Variants in KAZN observed in about 807,000 individuals in gnomAD.
The protein encoded by KAZN is kazrin.
KAZN carries 40 observed loss-of-function variants against 87.4 expected under a neutral mutation model. That is an observed-to-expected ratio of 0.46 (90% confidence interval 0.36 to 0.60). The LOEUF is 0.60. Ranked by LOEUF, KAZN falls within the 20% of genes least tolerant of loss-of-function variation. KAZN has a pLI of 0.00. For missense variants in KAZN, 898 were observed against 1,073.9 expected (o/e 0.84, Z 2.29); for synonymous variants, 466 against 458.3 (o/e 1.02, Z -0.22).
At chr1:13,989,737 T>G (rs1639192990) in intron 1 of KAZN, among the ~76,000 whole-genome samples, 1 of 152,160 alleles carries the variant, frequency 6.6e-6, no homozygotes, top group African/African-American at 2.4e-5. Flanking sequence ...AGAAATAAAA[T>G]GGCCATCCAG....
chr1:13,946,175 G>A (rs902410363), intron 1 of KAZN, among the ~76,000 whole-genome samples: 3 of 152,252 alleles, frequency 2.0e-5, no homozygotes, highest in Admixed American at 6.5e-5. Context: ...TGGCTAACCC[G>A]AATCCCTCAT....
chr1:14,578,495 A>G (rs1308534427), intron 2 of KAZN, among the ~76,000 whole-genome samples: 1 of 152,210 alleles, frequency 6.6e-6, no homozygotes, highest in Non-Finnish European at 1.5e-5. Flanking sequence ...AAAAATTTAC[A>G]TAAACCCTTG....
intron 8 of KAZN, among the ~76,000 whole-genome samples, chr1:15,085,507 T>G (rs561490214): frequency 1.3e-5 from 2 of 152,198 alleles, no homozygotes; most frequent in Admixed American, 6.5e-5. Flanking sequence ...TTTGTATTTT[T>G]GGTAGAGATG....
At chr1:13,982,950 T>G (rs1638814134) in intron 1 of KAZN, among the ~76,000 whole-genome samples, 1 of 151,726 alleles carries the variant, frequency 6.6e-6, no homozygotes, top group African/African-American at 2.4e-5. Flanking sequence ...ATTGGTGTGC[T>G]CACAAACCCT....
At chr1:14,532,818 G>A (rs1027221912) in intron 2 of KAZN, among the ~76,000 whole-genome samples, 2 of 151,816 alleles carry the variant, frequency 1.3e-5, no homozygotes, top group African/African-American at 4.8e-5. Context: ...TTTTATGGCT[G>A]CATAGTATTC....
intron 1 of KAZN, among the ~76,000 whole-genome samples, chr1:14,159,713 G>C (rs1645670172): frequency 3.3e-5 from 5 of 152,176 alleles, no homozygotes; most frequent in Admixed American, 6.5e-5. Flanking sequence ...GGAATGTGTT[G>C]AGTCTTACCT....
At chr1:14,929,177 A>G (rs1245673581) in intron 1 of KAZN, among the ~76,000 whole-genome samples, 1 of 152,250 alleles carries the variant, frequency 6.6e-6, no homozygotes, top group Non-Finnish European at 1.5e-5. Context: ...TACCCATGCC[A>G]TAAGGAAGGA....
At chr1:14,530,455 A>G (rs1183434775) in intron 2 of KAZN, among the ~76,000 whole-genome samples, 7 of 152,142 alleles carry the variant, frequency 4.6e-5, no homozygotes, top group Non-Finnish European at 1.0e-4. Flanking sequence ...TCCAAATCTC[A>G]TGTTGAAATG....
intron 1 of KAZN, among the ~76,000 whole-genome samples, chr1:13,994,881 A>AAC (rs1162071794): frequency 1.3e-5 from 2 of 152,086 alleles, no homozygotes; most frequent in African/African-American, 2.4e-5. Context: ...TAAACAAACA[A>AAC]ACAAACAAAC....
chr1:15,071,196 T>C (rs937782119), intron 8 of KAZN, among the ~76,000 whole-genome samples: 1 of 152,158 alleles, frequency 6.6e-6, no homozygotes, highest in Admixed American at 6.5e-5. Flanking sequence ...TGTGGGCAAA[T>C]TGAGGGTATA....
At chr1:14,042,853 TGCTTAC>T (rs1641900606) in intron 1 of KAZN, among the ~76,000 whole-genome samples, 1 of 152,262 alleles carries the variant, frequency 6.6e-6, no homozygotes, top group Non-Finnish European at 1.5e-5. Flanking sequence ...TCAGTGTTTC[TGCTTAC>T]GTACCTGGCC....
At chr1:14,895,322 G>A (rs771760165) in intron 1 of KAZN, among the ~76,000 whole-genome samples, 6 of 152,230 alleles carry the variant, frequency 3.9e-5, no homozygotes, top group Non-Finnish European at 8.8e-5. Context: ...AACTCTGCCA[G>A]CCAGGAAACG....
chr1:14,911,938 G>C (rs929242207), intron 1 of KAZN, among the ~76,000 whole-genome samples: 1 of 152,066 alleles, frequency 6.6e-6, no homozygotes, highest in African/African-American at 2.4e-5. Context: ...GATCACCTGA[G>C]GTCAGGAGTT....
chr1:14,924,821 C>T (rs115891132), intron 1 of KAZN, among the ~76,000 whole-genome samples: 14,100 of 152,180 alleles, frequency 0.093, 812 homozygotes, highest in South Asian at 0.24. Context: ...TTGCCGGAGC[C>T]AGGCGATCCC....
chr1:14,873,144 A>C (rs756643119), intron 1 of KAZN, among the ~76,000 whole-genome samples: 4 of 149,000 alleles, frequency 2.7e-5, no homozygotes. Context: ...GGATGGATGG[A>C]AGGATGGATG....
At chr1:14,848,909 AAG>A (rs919095942) in intron 1 of KAZN, among the ~76,000 whole-genome samples, 14 of 152,230 alleles carry the variant, frequency 9.2e-5, no homozygotes, top group African/African-American at 3.1e-4. Context: ...GCTCGAAGGG[AAG>A]AGAGAGGCCC....
At chr1:14,684,111 C>T (rs718995) in intron 1 of KAZN, among the ~76,000 whole-genome samples, 74,095 of 151,936 alleles carry the variant, frequency 0.49, 18,355 homozygotes, top group South Asian at 0.61. Context: ...GCCCTGGCCC[C>T]GTATCAAGCT....
rs368961170 is a variant in KAZN, at chr1:14,497,894, G to T, written c.250-101089G>T. Among the ~76,000 whole-genome samples the T allele has an allele frequency of 5.3e-5, 8 of 152,180 alleles. No homozygotes were observed. The East Asian group carries it at 9.6e-4, about 18-fold the overall frequency. The stretch of plus-strand genomic sequence containing the variant: ...GCAGAGTGACAAAAACCCATCATTA[G>T]AAAGAAGTCATGTTAATTCCTTGCC... On this transcript the variant is annotated intron_variant, in intron 2 of 16. Transcript: ENST00000636203.
intron 8 of KAZN, among the ~76,000 whole-genome samples, chr1:15,091,861 A>G (rs1429143517): frequency 6.6e-6 from 1 of 152,222 alleles, no homozygotes; most frequent in Non-Finnish European, 1.5e-5. Flanking sequence ...ACAGAGACAT[A>G]CAACAAAAAG....
Sources: gnomAD v4.1 joint callset for allele counts (sites outside exome capture counted in the v4.1 genomes callset) on GRCh38, gnomAD v4.1.1 for gene constraint, MANE v1.5 for transcripts, NCBI Gene and HGNC (gene_info 2026-07-23, HGNC 2026-07-21) for gene names.